The following GNA14 variants were observed in gnomAD, a reference collection of about 807,000 sequenced individuals.
GNA14 encodes G protein subunit alpha 14, also known as guanine nucleotide-binding protein subunit alpha-14.
A neutral mutation model predicts 42.0 loss-of-function variants in GNA14; 50 were observed. That is an observed-to-expected ratio of 1.19 (90% CI 0.95 to 1.51). GNA14 has a LOEUF of 1.51. GNA14 is among the 40% of genes most tolerant of loss of function. GNA14 has a pLI of 0.00. For synonymous variants in GNA14, 173 were observed against 163.1 expected (o/e 1.06, Z -0.46); for missense variants, 473 against 446.2 (o/e 1.06, Z -0.54).
intron 1 of GNA14, among the ~76,000 whole-genome samples, chr9:77,644,001 C>T (rs1387005831): frequency 2.6e-5 from 4 of 152,092 alleles, no homozygotes; most frequent in African/African-American, 9.7e-5. Context: ...CATTTTTCAT[C>T]TCTACACCAG....
chr9:77,572,766 G>A (rs921828634), intron 1 of GNA14, among the ~76,000 whole-genome samples: 3 of 152,092 alleles, frequency 2.0e-5, no homozygotes, highest in African/African-American at 7.2e-5. Context: ...GTGCCTCCTG[G>A]GGACTCTGTA....
intron 2 of GNA14, among the ~76,000 whole-genome samples, chr9:77,477,159 C>T (rs537100885): frequency 3.3e-5 from 5 of 152,154 alleles, no homozygotes; most frequent in East Asian, 1.9e-4. Flanking sequence ...GAGCTCGAGA[C>T]GAGCCGAGGC....
intron 2 of GNA14, among the ~76,000 whole-genome samples, chr9:77,503,525 C>T (rs1231016439): frequency 6.6e-6 from 1 of 152,158 alleles, no homozygotes; most frequent in Non-Finnish European, 1.5e-5. Flanking sequence ...TCTCTCCCTC[C>T]CCAAACTTCC....
At chr9:77,596,113 G>T (rs148757380) in intron 1 of GNA14, among the ~76,000 whole-genome samples, 9 of 152,018 alleles carry the variant, frequency 5.9e-5, no homozygotes, top group African/African-American at 9.6e-5. Context: ...AAAAATAAAG[G>T]CCACTTCATA....
At chr9:77,434,847 C>A (rs1357447162) in intron 2 of GNA14, among the ~76,000 whole-genome samples, 3 of 152,150 alleles carry the variant, frequency 2.0e-5, no homozygotes, top group Admixed American at 6.6e-5. Context: ...GAGCTTTCAT[C>A]CTACCAGCAA....
intron 2 of GNA14, among the ~76,000 whole-genome samples, chr9:77,444,345 C>T (rs1044008081): frequency 1.1e-4 from 16 of 152,200 alleles, no homozygotes; most frequent in Admixed American, 2.0e-4. Context: ...GGATCTTCTC[C>T]TTCAGCTTCT....
chr9:77,631,930 G>C (rs1033424502), intron 1 of GNA14, among the ~76,000 whole-genome samples: 5 of 152,148 alleles, frequency 3.3e-5, no homozygotes, highest in Non-Finnish European at 5.9e-5. Context: ...AGTTGGGGTG[G>C]AAGCTGCCTG....
At chr9:77,601,355 AAG>A (rs1823561550) in intron 1 of GNA14, among the ~76,000 whole-genome samples, 1 of 152,212 alleles carries the variant, frequency 6.6e-6, no homozygotes, top group Non-Finnish European at 1.5e-5. Flanking sequence ...AAGTGAAAGA[AAG>A]AATCTTTTAC....
Position 77,648,067 on chromosome 9 carries a change from G to C in GNA14, c.-274C>G, listed in dbSNP as rs986660012. On this transcript the variant is annotated 5_prime_UTR_variant, in exon 1 of 7. Transcript: ENST00000341700. The stretch of plus-strand genomic sequence containing the variant: ...GCCCCACTCTCGCTCTGGGGAGGAG[G>C]AGGGCGAGTCGAGAAGTTGGGAGCG... 4 of 489,786 alleles carry C rather than the reference G, an allele frequency of 8.2e-6. No homozygotes were observed. The highest frequency in any genetic ancestry group is 1.4e-5 in the Non-Finnish European group (4 of 278,628). The allele number at this position is 489,786 out of a possible 1,614,324, so 30.3% of individuals were successfully genotyped here. A position where few individuals can be genotyped will look rare whatever the true frequency, so the allele number is the denominator to read the frequency against.
At chr9:77,426,921 TTTCCCCACAAC>T (rs1253695761) in intron 5 of GNA14, among the ~76,000 whole-genome samples, 1 of 152,200 alleles carries the variant, frequency 6.6e-6, no homozygotes, top group Non-Finnish European at 1.5e-5. Flanking sequence ...TAAATCACTC[TTTCCCCACAAC>T]TTCCAGACAC....
chr9:77,463,977 C>T (rs1836164748), intron 2 of GNA14, among the ~76,000 whole-genome samples: 2 of 152,094 alleles, frequency 1.3e-5, no homozygotes, highest in Non-Finnish European at 2.9e-5. Flanking sequence ...TACATAATTA[C>T]CTTAGCTGGA....
At chr9:77,452,561 T>TGTGTGTGGTATGTGTGTGTTGTGTG (rs1835922185) in intron 2 of GNA14, among the ~76,000 whole-genome samples, 1 of 141,976 alleles carries the variant, frequency 7.0e-6, no homozygotes, top group African/African-American at 2.7e-5. Context: ...TGTGTGTGTG[T>TGTGTGTGGTATGTGTGTGTTGTGTG]GTGTGTGTGT....
At chr9:77,587,752 T>G (rs1823328075) in intron 1 of GNA14, among the ~76,000 whole-genome samples, 1 of 152,230 alleles carries the variant, frequency 6.6e-6, no homozygotes, top group Non-Finnish European at 1.5e-5. Context: ...GCCGCTGAAT[T>G]GTTTGCTTTA....
intron 2 of GNA14, among the ~76,000 whole-genome samples, chr9:77,497,111 A>C (rs1245304466): frequency 6.6e-6 from 1 of 151,786 alleles, no homozygotes; most frequent in Non-Finnish European, 1.5e-5. Flanking sequence ...AGGTGCTCGG[A>C]GACCATTTGT....
chr9:77,623,206 G>C (rs1291501794), intron 1 of GNA14, among the ~76,000 whole-genome samples: 1 of 66,960 alleles, frequency 1.5e-5, no homozygotes, highest in African/African-American at 4.7e-5. Flanking sequence ...AAAAGAGTGA[G>C]ACGCTGTCTC....
chr9:77,542,227 GATAT>G (rs565327872), intron 1 of GNA14, among the ~76,000 whole-genome samples: 1 of 151,816 alleles, frequency 6.6e-6, no homozygotes, highest in Admixed American at 6.6e-5. Context: ...TTTGTGACGA[GATAT>G]ATATATATGG....
intron 2 of GNA14, among the ~76,000 whole-genome samples, chr9:77,493,022 A>ATATATATATAT (rs1183078215): frequency 9.3e-5 from 7 of 74,948 alleles, no homozygotes; most frequent in East Asian, 1.1e-3. Flanking sequence ...AAAAAAAAAA[A>ATATATATATAT]AAAAATATAT....
At chr9:77,527,241 A>G (rs919561940) in intron 2 of GNA14, among the ~76,000 whole-genome samples, 3 of 152,228 alleles carry the variant, frequency 2.0e-5, no homozygotes, top group Non-Finnish European at 4.4e-5. Flanking sequence ...TTTAGAGTAC[A>G]TTAGAAAGGG....
At chr9:77,521,935 C>T (rs766008689) in intron 2 of GNA14, among the ~76,000 whole-genome samples, 2 of 152,088 alleles carry the variant, frequency 1.3e-5, no homozygotes, top group East Asian at 1.9e-4. Context: ...CAGATTCAAG[C>T]GATTCTCCTG....
Sources: allele counts gnomAD v4.1 joint callset (sites outside exome capture counted in the v4.1 genomes callset), GRCh38; gene constraint gnomAD v4.1.1; transcripts MANE v1.5; gene names NCBI Gene and HGNC (gene_info 2026-07-23, HGNC 2026-07-21).